Variants in ITPR2 observed in about 807,000 individuals in gnomAD.
ITPR2 encodes inositol 1,4,5-trisphosphate receptor type 2.
A neutral mutation model predicts 317.1 loss-of-function variants in ITPR2; 207 were observed. The observed-to-expected ratio is 0.65, with a 90% CI of 0.58 to 0.73. ITPR2 has a LOEUF of 0.73. Among genes scored for constraint, ITPR2 ranks in the 30% least tolerant of loss-of-function variants. The pLI is 0.00. For missense variants in ITPR2, 2,613 were observed against 3,284.0 expected (o/e 0.80, Z 4.99); for synonymous variants, 1,156 against 1,149.1 (o/e 1.01, Z -0.12).
Position 26,342,900 on chromosome 12 carries a change from C to T in ITPR2, c.7858-2572G>A, listed in dbSNP as rs147666170. Among the ~76,000 whole-genome samples the T allele has an allele frequency of 1.6e-4, 24 of 151,810 alleles. 1 individual carries two copies. In the East Asian group the frequency reaches 3.9e-3, roughly 25 times the overall value. On this transcript the variant is annotated intron_variant, in intron 55 of 56. Transcript: ENST00000381340. ...CTGGGATTACAGGCGTGAGCCACCA[C>T]GTCCGGTGAGTTCTCACTCTTAGGA...
rs756385529 is a variant in ITPR2 at position 26,663,739 on chromosome 12, C to T, written c.1659G>A (p.Leu553=). 6.2e-7 allele frequency: 1 copy of T among 1,614,012 alleles called. No individual in the cohort carries two copies. Among genetic ancestry groups the T allele is most frequent in the East Asian group, 2.2e-5 (1 of 44,882 alleles). Residue 553 remains leucine, a synonymous_variant, in exon 15 of 57, where the codon CTG becomes CTA. Transcript: ENST00000381340. ...DQRYAPYKYM[L]RLCYRVLRHS... is the part of the protein sequence containing the mutation. ...GTCTCAGGACGCGGTAACAGAGCCG[C>T]AGCATGTACTTGTAGGGTGCATATC...
chr12:26,523,303 C>A (rs1565579188), intron 37 of ITPR2, among the ~76,000 whole-genome samples: 1 of 152,138 alleles, frequency 6.6e-6, no homozygotes, highest in Non-Finnish European at 1.5e-5. Context: ...GCTATAATCT[C>A]ACAAAAAATT....
chr12:26,412,677 A>C (rs1465100271), intron 51 of ITPR2, among the ~76,000 whole-genome samples: 1 of 152,004 alleles, frequency 6.6e-6, no homozygotes, highest in Admixed American at 6.6e-5. Flanking sequence ...TAGGAGGGGG[A>C]AAAAAACCCA....
At chr12:26,402,253 C>A (rs1023667518) in intron 52 of ITPR2, among the ~76,000 whole-genome samples, 1 of 152,172 alleles carries the variant, frequency 6.6e-6, no homozygotes, top group Non-Finnish European at 1.5e-5. Flanking sequence ...GGGGAAAAAT[C>A]ATTTTCCAAT....
At chr12:26,355,216 C>T (rs143015222) in intron 55 of ITPR2, among the ~76,000 whole-genome samples, 1 of 152,304 alleles carries the variant, frequency 6.6e-6, no homozygotes, top group African/African-American at 2.4e-5. Flanking sequence ...AAAGAAAATT[C>T]TTAACCATAC....
intron 34 of ITPR2, among the ~76,000 whole-genome samples, chr12:26,574,354 C>A (rs377431658): frequency 6.6e-6 from 1 of 152,098 alleles, no homozygotes; most frequent in South Asian, 2.1e-4. Context: ...GATCCCTTGA[C>A]GACTGAGGGT....
chr12:26,429,161 C>T (rs944228303), intron 48 of ITPR2, among the ~76,000 whole-genome samples: 3 of 152,262 alleles, frequency 2.0e-5, no homozygotes, highest in African/African-American at 7.2e-5. Flanking sequence ...ATAGTGTGTG[C>T]TAACATCTCA....
At chr12:26,709,803 C>T (rs1057071899) in intron 9 of ITPR2, among the ~76,000 whole-genome samples, 1 of 152,062 alleles carries the variant, frequency 6.6e-6, no homozygotes, top group Non-Finnish European at 1.5e-5. Context: ...ATGATTTTTG[C>T]TTCAATGAGT....
intron 45 of ITPR2, among the ~76,000 whole-genome samples, chr12:26,445,722 T>C (rs1406269485): frequency 6.6e-6 from 1 of 152,032 alleles, no homozygotes; most frequent in East Asian, 1.9e-4. Flanking sequence ...AGCTTAATTG[T>C]AGTGAGTTTA....
At chr12:26,694,357 T>A (rs1948296257) in intron 10 of ITPR2, among the ~76,000 whole-genome samples, 2 of 152,152 alleles carry the variant, frequency 1.3e-5, no homozygotes, top group South Asian at 4.2e-4. Context: ...TCCCTATAGG[T>A]AAAATTTATT....
At chr12:26,696,735 T>A (rs1948359332) in intron 9 of ITPR2, among the ~76,000 whole-genome samples, 2 of 152,314 alleles carry the variant, frequency 1.3e-5, no homozygotes, top group Non-Finnish European at 2.9e-5. Flanking sequence ...CTCTTTAAGC[T>A]AGTGGCCACG....
chr12:26,353,688 T>C (rs1383769773), intron 55 of ITPR2, among the ~76,000 whole-genome samples: 2 of 152,234 alleles, frequency 1.3e-5, no homozygotes, highest in Non-Finnish European at 2.9e-5. Context: ...TCCTAAAATG[T>C]AAATCAAAAT....
intron 13 of ITPR2, among the ~76,000 whole-genome samples, chr12:26,669,541 T>C (rs1456135430): frequency 1.3e-5 from 2 of 152,146 alleles, no homozygotes; most frequent in Non-Finnish European, 2.9e-5. Flanking sequence ...AAAAATAATC[T>C]ATAAAATTAC....
chr12:26,691,990 T>C (rs1302453108), intron 10 of ITPR2, among the ~76,000 whole-genome samples: 3 of 152,170 alleles, frequency 2.0e-5, no homozygotes, highest in Non-Finnish European at 2.9e-5. Context: ...TAATTTCTGA[T>C]AGAACCTTTG....
Position 26,670,929 on chromosome 12 carries a change from A to G in ITPR2, c.1410-4878T>C, listed in dbSNP as rs575405524. ...AGAAGCCTCAGGAGCCAATGCGATCAACTGGAAGAAAGGGTATCAGCAATG... is the reference window on the plus strand; with the variant it reads ...AGAAGCCTCAGGAGCCAATGCGATCGACTGGAAGAAAGGGTATCAGCAATG... On this transcript the variant is annotated intron_variant, in intron 13 of 56. Coordinates refer to ENST00000381340, the MANE Select transcript of ITPR2 (RefSeq NM_002223.4). Among the ~76,000 whole-genome samples, 432 of 152,310 alleles carry G rather than the reference A, an allele frequency of 2.8e-3. 2 individuals are homozygous for G. The highest frequency in any genetic ancestry group is 4.8e-3 in the Non-Finnish European group (324 of 68,026).
At chr12:26,610,176 G>T (rs1946229649) in intron 26 of ITPR2, among the ~76,000 whole-genome samples, 1 of 152,212 alleles carries the variant, frequency 6.6e-6, no homozygotes, top group African/African-American at 2.4e-5. Flanking sequence ...GACTGCTTCT[G>T]TCCCAGGCCA....
Position 26,698,717 on chromosome 12 carries a change from A to T in ITPR2, c.952-3067T>A, listed in dbSNP as rs113016782. ...TTGAGGCTGGCCTCTGTCTACAGAG[A>T]CCCAGACTTTCCCTCAGATTCCTTA... is the stretch of plus-strand genomic sequence containing the variant. On this transcript the variant is annotated intron_variant, in intron 9 of 56. Coordinates refer to ENST00000381340, the MANE Select transcript of ITPR2 (RefSeq NM_002223.4). Among the ~76,000 whole-genome samples the T allele has an allele frequency of 2.2e-4, 34 of 152,252 alleles. 1 individual carries two copies. The highest frequency in any genetic ancestry group is 7.9e-4 in the African/African-American group (33 of 41,548).
At chr12:26,829,003 T>C (rs1330917293) in intron 1 of ITPR2, among the ~76,000 whole-genome samples, 1 of 152,228 alleles carries the variant, frequency 6.6e-6, no homozygotes, top group African/African-American at 2.4e-5. Flanking sequence ...TCTTCTCTCT[T>C]ATATGAATTT....
At chr12:26,523,225 C>T (rs1021785268) in intron 37 of ITPR2, among the ~76,000 whole-genome samples, 3 of 152,072 alleles carry the variant, frequency 2.0e-5, no homozygotes, top group South Asian at 4.1e-4. Flanking sequence ...CATCTCTTTT[C>T]GTAAAAAGAT....
Sources: gnomAD v4.1 joint callset for allele counts (sites outside exome capture counted in the v4.1 genomes callset) on GRCh38, gnomAD v4.1.1 for gene constraint, MANE v1.5 for transcripts, NCBI Gene and HGNC (gene_info 2026-07-23, HGNC 2026-07-21) for gene names.